PRR33: variants seen among roughly 807,000 people sequenced by gnomAD.
PRR33 encodes proline rich 33.
A neutral mutation model predicts 0.5 loss-of-function variants in PRR33; 1 was observed. The ratio of observed to expected loss-of-function variants is 2.18; its 90% CI spans 0.77 to 10.34. The LOEUF (loss-of-function observed/expected upper bound fraction) is 10.34. Ranked by LOEUF, PRR33 falls within the 30% of genes most tolerant of loss-of-function variation. PRR33 has a pLI of 0.13. For synonymous variants in PRR33, 226 were observed against 110.0 expected (o/e 2.06, Z -6.60); for missense variants, 552 against 251.8 (o/e 2.19, Z -8.07).
At chr11:1,915,549 T>G in the PRR33 span, among the ~76,000 whole-genome samples, 1 of 94,020 alleles carries the variant, frequency 1.1e-5, no homozygotes, top group Non-Finnish European at 2.1e-5. Flanking sequence ...GTGTGTGTTG[T>G]GGGGGGTGAT....
exon 1 of PRR33, chr11:1,890,013 T>C (rs1403625463): frequency 4.2e-5 from 28 of 671,778 alleles, no homozygotes; most frequent in Non-Finnish European, 6.9e-5. Flanking sequence ...AGGGGTCCCA[T>C]TGTGTGGGGA....
chr11:1,892,287 T>A (rs1722133970), upstream of PRR33: 1 of 152,202 alleles, frequency 6.6e-6, no homozygotes, highest in South Asian at 2.1e-4. Context: ...TTGTACTCAC[T>A]AAGGGGGCAG....
the PRR33 span, among the ~76,000 whole-genome samples, chr11:1,915,625 CTG>C: frequency 2.5e-3 from 3 of 1,224 alleles, no homozygotes; most frequent in Admixed American, 9.1e-3. Flanking sequence ...GGTGATGTTT[CTG>C]TGTGTGTGTG....
At chr11:1,913,923 C>T in the PRR33 span, among the ~76,000 whole-genome samples, 373 of 152,356 alleles carry the variant, frequency 2.4e-3, no homozygotes, top group South Asian at 8.7e-3. Flanking sequence ...TTGCAGGATG[C>T]GTGGGGGACG....
chr11:1,905,918 A>G, the PRR33 span, among the ~76,000 whole-genome samples: 1 of 151,740 alleles, frequency 6.6e-6, no homozygotes, highest in Non-Finnish European at 1.5e-5. Flanking sequence ...TCCAGGGCTC[A>G]AGGGATCCAC....
chr11:1,915,447 C>A, the PRR33 span, among the ~76,000 whole-genome samples: 118 of 124,686 alleles, frequency 9.5e-4, no homozygotes, highest in African/African-American at 3.4e-3. Flanking sequence ...GATGTTTCTG[C>A]GTGTGTGTGT....
the PRR33 span, among the ~76,000 whole-genome samples, chr11:1,898,872 G>A: frequency 2.0e-5 from 3 of 152,128 alleles, no homozygotes; most frequent in East Asian, 1.9e-4. Context: ...TTGGTGGTAG[G>A]TGCCTGTAAT....
chr11:1,899,180 G>GA, the PRR33 span, among the ~76,000 whole-genome samples: 1 of 152,202 alleles, frequency 6.6e-6, no homozygotes, highest in East Asian at 1.9e-4. Flanking sequence ...AAGTTCTTGG[G>GA]AAAAAGCTGT....
chr11:1,897,985 A>C, the PRR33 span, among the ~76,000 whole-genome samples: 2 of 152,236 alleles, frequency 1.3e-5, no homozygotes, highest in Non-Finnish European at 2.9e-5. The surrounding 1 kb of genome is among the most constrained non-coding windows in gnomAD (Gnocchi z 4.0). Flanking sequence ...AGTTAGCTGG[A>C]TAAAGAGTCT....
chr11:1,890,564 C>T (rs760582443), exon 1 of PRR33: 2 of 710,242 alleles, frequency 2.8e-6, no homozygotes, highest in Non-Finnish European at 5.2e-6. Flanking sequence ...CGGGTGCCAT[C>T]GACGCAGCCG....
the PRR33 span, chr11:1,889,822 G>A: frequency 1.6e-6 from 1 of 635,388 alleles, no homozygotes; most frequent in Non-Finnish European, 2.9e-6. Flanking sequence ...ACTGAGGCCT[G>A]GAAGCCGGGT....
At chr11:1,906,033 C>G in the PRR33 span, among the ~76,000 whole-genome samples, 2 of 150,810 alleles carry the variant, frequency 1.3e-5, no homozygotes, top group Admixed American at 6.6e-5. Flanking sequence ...CCTCTGTTGC[C>G]CAGGCTGGTC....
chr11:1,896,920 G>C, the PRR33 span, among the ~76,000 whole-genome samples: 2 of 152,230 alleles, frequency 1.3e-5, no homozygotes, highest in Non-Finnish European at 2.9e-5. Context: ...ATTTAACAGA[G>C]TTTAATTAAG....
chr11:1,910,319 G>A, the PRR33 span, among the ~76,000 whole-genome samples: 5 of 152,068 alleles, frequency 3.3e-5, no homozygotes, highest in African/African-American at 1.2e-4. Context: ...GCATGATCTC[G>A]GCTCACTGCA....
At chr11:1,898,058 T>C in the PRR33 span, among the ~76,000 whole-genome samples, 29 of 152,304 alleles carry the variant, frequency 1.9e-4, no homozygotes, top group African/African-American at 6.7e-4. Flanking sequence ...TAATACCTGA[T>C]ACATTCCTCC....
At chr11:1,889,142 A>T (rs1848876324) in exon 1 of PRR33, 1 of 644,740 alleles carries the variant, frequency 1.6e-6, no homozygotes, top group Non-Finnish European at 2.9e-6. Flanking sequence ...CATTCTGGCC[A>T]CTTCACTGGA....
chr11:1,912,063 G>A, the PRR33 span, among the ~76,000 whole-genome samples: 1 of 146,802 alleles, frequency 6.8e-6, no homozygotes, highest in African/African-American at 2.5e-5. Flanking sequence ...TCCCAGCTAT[G>A]TGAGAGGGTG....
At chr11:1,889,866 G>T in exon 1 of PRR33, 1 of 631,456 alleles carries the variant, frequency 1.6e-6, no homozygotes, top group East Asian at 2.7e-5. Context: ...CTCAGGCAAG[G>T]GACTGGCAGC....
At chr11:1,914,596 G>GTGTA in the PRR33 span, among the ~76,000 whole-genome samples, 1 of 150,246 alleles carries the variant, frequency 6.7e-6, no homozygotes, top group Non-Finnish European at 1.5e-5. Context: ...GTGTGTGTGT[G>GTGTA]TGTGTGTGTG....
Sources: allele counts gnomAD v4.1 joint callset (sites outside exome capture counted in the v4.1 genomes callset), GRCh38; gene constraint gnomAD v4.1.1; non-coding constraint Gnocchi (gnomAD v3.1); transcripts MANE v1.5; gene names NCBI Gene and HGNC (gene_info 2026-07-23, HGNC 2026-07-21).